The following GALNT13 variants were observed in gnomAD, a reference collection of about 807,000 sequenced individuals.
The protein encoded by GALNT13 is UDP-GalNAc:polypeptide N-acetylgalactosaminyltransferase 13.
Under a neutral mutation model 64.2 loss-of-function variants are expected in GALNT13, and 28 were observed. That is an observed-to-expected ratio of 0.44 (90% CI 0.32 to 0.60). The LOEUF is 0.60. Among genes scored for constraint, GALNT13 ranks in the 20% least tolerant of loss-of-function variants. The pLI, the probability that GALNT13 is intolerant of heterozygous loss-of-function variation, is 0.05. For missense variants in GALNT13, 577 were observed against 669.8 expected, an observed-to-expected ratio of 0.86 and a Z score of 1.53; for synonymous variants, 214 against 224.6, an observed-to-expected ratio of 0.95 and a Z score of 0.42.
chr2:154,161,694 T>G (rs66485357), intron 4 of GALNT13, among the ~76,000 whole-genome samples: 8,700 of 152,274 alleles, frequency 0.057, 354 homozygotes, highest in South Asian at 0.11. Context: ...GGAAAATCAT[T>G]TTTCAATGTT....
At chr2:153,428,462 A>T in the GALNT13 span, among the ~76,000 whole-genome samples, 1 of 152,200 alleles carries the variant, frequency 6.6e-6, no homozygotes, top group Non-Finnish European at 1.5e-5. Flanking sequence ...GGGATCTGCT[A>T]CCATGCCACA....
intron 2 of GALNT13, among the ~76,000 whole-genome samples, chr2:153,908,879 C>CT (rs878979276): frequency 6.6e-6 from 1 of 151,952 alleles, no homozygotes; most frequent in Non-Finnish European, 1.5e-5. Flanking sequence ...TATTTGGGCT[C>CT]TTTTTTGGTT....
In GALNT13 at chr2:154,108,065, G is replaced by A. The variant is rs952507211; in HGVS notation, c.143-32272G>A. On this transcript the variant is annotated intron_variant, in intron 3 of 12. Coordinates refer to ENST00000392825, the MANE Select transcript of GALNT13 (RefSeq NM_052917.4). The stretch of plus-strand genomic sequence containing the variant: ...TGTTAATAGTGCTGCAACATACATG[G>A]GGGTGCCGACATTCCTTTGACAAAT... Among the ~76,000 whole-genome samples the A allele has an allele frequency of 4.6e-5, 7 of 152,014 alleles. 1 individual carries two copies. The highest frequency in any genetic ancestry group is 1.3e-4 in the Admixed American group (2 of 15,258).
intron 10 of GALNT13, among the ~76,000 whole-genome samples, chr2:154,408,232 T>C (rs967850883): frequency 5.9e-5 from 9 of 152,122 alleles, no homozygotes; most frequent in Non-Finnish European, 1.2e-4. Flanking sequence ...AAGTCAATTA[T>C]TGGTTTTGTA....
chr2:153,719,882 G>A, the GALNT13 span, among the ~76,000 whole-genome samples: 1 of 152,084 alleles, frequency 6.6e-6, no homozygotes, highest in Non-Finnish European at 1.5e-5. Context: ...CGAGGCTGGG[G>A]GAGGGGCTCC....
chr2:154,343,845 A>C (rs1203418001), intron 9 of GALNT13, among the ~76,000 whole-genome samples: 1 of 152,114 alleles, frequency 6.6e-6, no homozygotes, highest in Non-Finnish European at 1.5e-5. Flanking sequence ...TGAGCTATTC[A>C]AGCTTGGGAA....
chr2:154,390,590 T>C (rs1255508488), intron 9 of GALNT13, among the ~76,000 whole-genome samples: 2 of 152,208 alleles, frequency 1.3e-5, no homozygotes, highest in East Asian at 3.9e-4. Context: ...TAGTATTCCA[T>C]GGTGTATATA....
the GALNT13 span, among the ~76,000 whole-genome samples, chr2:153,680,833 T>A: frequency 6.6e-6 from 1 of 151,950 alleles, no homozygotes; most frequent in Non-Finnish European, 1.5e-5. Context: ...GTATGACTAA[T>A]TTACTATTTT....
At chr2:153,141,928 T>G in the GALNT13 span, among the ~76,000 whole-genome samples, 1 of 152,040 alleles carries the variant, frequency 6.6e-6, no homozygotes, top group African/African-American at 2.4e-5. Context: ...ATGTCCTCAA[T>G]AAATTAATGA....
chr2:154,049,852 T>A (rs1163692373), intron 3 of GALNT13, among the ~76,000 whole-genome samples: 7 of 152,092 alleles, frequency 4.6e-5, no homozygotes, highest in African/African-American at 1.7e-4. Flanking sequence ...TTACAGTTTT[T>A]GTCAGTGTGA....
chr2:153,699,878 C>G, the GALNT13 span, among the ~76,000 whole-genome samples: 2 of 152,124 alleles, frequency 1.3e-5, no homozygotes, highest in African/African-American at 4.8e-5. Flanking sequence ...AAGCCCAGGA[C>G]TAGATCGATT....
chr2:154,169,993 A>T (rs1015271774), intron 4 of GALNT13, among the ~76,000 whole-genome samples: 15 of 152,166 alleles, frequency 9.9e-5, no homozygotes, highest in African/African-American at 3.4e-4. Flanking sequence ...AGGCAGACCA[A>T]GGCTCAACTG....
the GALNT13 span, among the ~76,000 whole-genome samples, chr2:153,461,821 G>T: frequency 4.6e-5 from 7 of 152,238 alleles, no homozygotes; most frequent in Admixed American, 2.6e-4. Flanking sequence ...AAGATGCCAT[G>T]TGTGCTCCTC....
chr2:154,187,128 G>A (rs541844077), intron 4 of GALNT13, among the ~76,000 whole-genome samples: 1 of 152,158 alleles, frequency 6.6e-6, no homozygotes, highest in Non-Finnish European at 1.5e-5. Flanking sequence ...ATGAGGAAAA[G>A]TGAATTCTGG....
At chr2:154,415,638 T>A (rs566250169) in intron 11 of GALNT13, among the ~76,000 whole-genome samples, 40 of 152,266 alleles carry the variant, frequency 2.6e-4, no homozygotes, top group African/African-American at 9.1e-4. Context: ...AACATCTGAT[T>A]ACTTAAATTG....
chr2:153,478,773 G>C, the GALNT13 span: 7 of 529,264 alleles, frequency 1.3e-5, no homozygotes, highest in African/African-American at 1.2e-4. Flanking sequence ...AAAGCCGTCC[G>C]CTCCAGCCCT....
At chr2:153,847,307 GA>G in the GALNT13 span, among the ~76,000 whole-genome samples, 127 of 152,098 alleles carry the variant, frequency 8.3e-4, no homozygotes, top group African/African-American at 3.0e-3. Flanking sequence ...AAAAGATTCT[GA>G]ATACAAATCT....
the GALNT13 span, among the ~76,000 whole-genome samples, chr2:153,434,598 A>G: frequency 6.6e-6 from 1 of 151,958 alleles, no homozygotes; most frequent in Non-Finnish European, 1.5e-5. Flanking sequence ...GAGTTTTTTC[A>G]TGTGTTTTTT....
chr2:153,082,402 A>G, the GALNT13 span, among the ~76,000 whole-genome samples: 2 of 151,056 alleles, frequency 1.3e-5, no homozygotes, highest in African/African-American at 4.9e-5. Context: ...GGGAGGATGT[A>G]TTTGGTGTTT....
Sources: gnomAD v4.1 joint callset for allele counts (sites outside exome capture counted in the v4.1 genomes callset) on GRCh38, gnomAD v4.1.1 for gene constraint, MANE v1.5 for transcripts, NCBI Gene and HGNC (gene_info 2026-07-23, HGNC 2026-07-21) for gene names.